The following ELL variants were observed in gnomAD, a reference collection of about 807,000 sequenced individuals.
The protein encoded by ELL is elongation factor for RNA polymerase II.
In ELL, 18 loss-of-function variants were observed where a neutral mutation model predicts 64.0. That is an observed-to-expected ratio of 0.28 (90% confidence interval 0.19 to 0.42). ELL has a LOEUF of 0.42. ELL is among the 10% of genes least tolerant of loss of function. ELL has a pLI of 1.00. For missense variants in ELL, 797 were observed against 870.4 expected (o/e 0.92, Z 1.06); for synonymous variants, 399 against 376.2 (o/e 1.06, Z -0.70).
chr19:18,469,452 G>A (rs1456191522), intron 2 of ELL, among the ~76,000 whole-genome samples: 1 of 152,234 alleles, frequency 6.6e-6, no homozygotes, highest in Non-Finnish European at 1.5e-5. Context: ...CTGGGACAAG[G>A]TTTGAAACGC....
Position 18,443,408 on chromosome 19 carries a change from T to C in ELL, c.*1344A>G. On this transcript the variant is annotated 3_prime_UTR_variant, in exon 12 of 12. Transcript: ENST00000262809. ...TTAGAAAAATAGACATCTGTATTTT[T>C]GCATTTCTGTTCTCCCTGCCTGACT... The C allele has an allele frequency of 4.3e-6, 1 of 233,196 alleles. No homozygotes were observed. Among genetic ancestry groups the C allele is most frequent in the Non-Finnish European group, 8.5e-6 (1 of 117,898 alleles). 14.4% of individuals were successfully genotyped at this position (233,196 alleles called of 1,614,324 possible). A position where few individuals can be genotyped will look rare whatever the true frequency, so the allele number is the denominator to read the frequency against.
intron 1 of ELL, among the ~76,000 whole-genome samples, chr19:18,512,876 A>C (rs964632524): frequency 6.6e-6 from 1 of 152,190 alleles, no homozygotes; most frequent in Non-Finnish European, 1.5e-5. Context: ...CTGATCCCCA[A>C]TATGCAGTTC....
At position 18,450,762 on chromosome 19, in the gene ELL, G is replaced by C; in HGVS notation, c.1180C>G (p.His394Asp). 3 of 1,578,462 alleles carry C rather than the reference G, an allele frequency of 1.9e-6. No homozygotes were observed. The highest frequency in any genetic ancestry group is 2.6e-6 in the Non-Finnish European group (3 of 1,162,514). ...LPPRLEPPRAHDPLADVSNDL... is the reference protein window; with the variant it reads ...LPPRLEPPRADDPLADVSNDL... ...TTGCTGACATCGGCCAGGGGGTCGT[G>C]GGCCCTCGGGGGCTCCAGCCGCGGG... Residue 394 changes from histidine (H) to aspartate (D), a missense_variant, in exon 8 of 12, where the codon CAC (histidine) becomes GAC (aspartate). Coordinates refer to ENST00000262809, the MANE Select transcript of ELL (RefSeq NM_006532.4).
chr19:18,473,909 C>T (rs570673760), intron 1 of ELL, among the ~76,000 whole-genome samples: 4 of 152,294 alleles, frequency 2.6e-5, no homozygotes, highest in South Asian at 2.1e-4. Flanking sequence ...TCCTGGGCTC[C>T]GTCTCCACTG....
rs1279659799 is a variant in ELL at position 18,501,026 on chromosome 19, G to A, written c.135+20895C>T. On this transcript the variant is annotated intron_variant, in intron 1 of 11. Coordinates refer to ENST00000262809, the MANE Select transcript of ELL (RefSeq NM_006532.4). The surrounding 1 kb of genome is among the most constrained non-coding windows in gnomAD (Gnocchi z 4.5). Reference sequence around the variant, plus strand: ...GGAAGCAGGCCAACCTCCAACCACCGAACTTGGGCCAAAACTCACAGCAGG... The same window carrying A: ...GGAAGCAGGCCAACCTCCAACCACCAAACTTGGGCCAAAACTCACAGCAGG... 5.3e-5 allele frequency among the ~76,000 whole-genome samples: 8 copies of A among 151,964 alleles called. No individual in the cohort carries two copies. Among genetic ancestry groups the A allele is most frequent in the Admixed American group, 1.3e-4 (2 of 15,246 alleles).
At chr19:18,498,427 G>A (rs932817555) in intron 1 of ELL, among the ~76,000 whole-genome samples, 3 of 152,180 alleles carry the variant, frequency 2.0e-5, no homozygotes, top group African/African-American at 7.2e-5. Flanking sequence ...AGTTAGGAAG[G>A]GAAAACAAAA....
chr19:18,472,504 T>C (rs1975084163), intron 2 of ELL: 1 of 329,860 alleles, frequency 3.0e-6, no homozygotes, highest in Non-Finnish European at 5.5e-6. Flanking sequence ...GCTCACCTCC[T>C]GCTGTGTGGG....
intron 5 of ELL, 124 bp from the exon 6 acceptor site, chr19:18,458,453 G>A: frequency 2.8e-6 from 4 of 1,450,676 alleles, no homozygotes; most frequent in Non-Finnish European, 3.7e-6. Flanking sequence ...CAGAGACAGA[G>A]GAGAGGAAAG....
intron 1 of ELL, among the ~76,000 whole-genome samples, chr19:18,519,806 CAAA>C (rs1183522203): frequency 0.026 from 1,617 of 62,942 alleles, 10 homozygotes; most frequent in African/African-American, 0.049. Flanking sequence ...AACTCCATCT[CAAA>C]AAAAAAAAAA....
intron 1 of ELL, among the ~76,000 whole-genome samples, chr19:18,521,035 C>T (rs111367398): frequency 6.6e-6 from 1 of 151,956 alleles, no homozygotes; most frequent in Non-Finnish European, 1.5e-5. Context: ...CCCTCCCCAC[C>T]ACCAGCCAGG....
At chr19:18,480,870 G>A (rs1242659462) in intron 1 of ELL, among the ~76,000 whole-genome samples, 2 of 152,304 alleles carry the variant, frequency 1.3e-5, no homozygotes, top group East Asian at 3.9e-4. Flanking sequence ...CTAGGTTCAA[G>A]CAACTCGACA....
rs1298304594 is a variant in ELL at position 18,458,291 on chromosome 19, C to A, written c.783G>T (p.Leu261=). Residue 261 remains leucine (L), a synonymous_variant, in exon 6 of 12, where the codon CTG becomes CTT. Transcript: ENST00000262809. ...GCACATCCTTGTACATGCAGTCCTG[C>A]AGTGTACACGTGCCGTCCTTAGCAC... is the stretch of plus-strand genomic sequence containing the variant. ...NMSAKDGTCT[L]QDCMYKDVQK... 6.2e-7 allele frequency: 1 copy of A among 1,613,482 alleles called. No individual in the cohort carries two copies.
chr19:18,454,627 G>T (rs1351522536), intron 6 of ELL, among the ~76,000 whole-genome samples: 1 of 151,766 alleles, frequency 6.6e-6, no homozygotes, highest in South Asian at 2.1e-4. Context: ...GATTACCTGA[G>T]GTTGGGAGTT....
rs565016319 is a variant in ELL, at chr19:18,491,249, ATTTTTTTTTTTTTTTT to A, written c.136-18383_136-18368del. The stretch of plus-strand genomic sequence containing the variant: ...AGGTGCTCACCACCACACCTGGCTA[ATTTTTTTTTTTTTTTT>A]TTTTTTTTTTTTTTTTTTTTTTTTT... On this transcript the variant is annotated intron_variant, in intron 1 of 11. Transcript: ENST00000262809. Among the ~76,000 whole-genome samples, 17 of 72,474 alleles carry A rather than the reference ATTTTTTTTTTTTTTTT, an allele frequency of 2.3e-4. No homozygotes were observed. In the East Asian group the frequency reaches 4.1e-3, roughly 17 times the overall value. 47.5% of individuals were successfully genotyped at this position (72,474 alleles called of 152,430 possible).
intron 2 of ELL, among the ~76,000 whole-genome samples, chr19:18,472,162 C>T (rs1316901556): frequency 1.3e-5 from 2 of 151,970 alleles, no homozygotes; most frequent in African/African-American, 2.4e-5. Context: ...CGTTTCTCTA[C>T]GTTGGTCAGG....
At chr19:18,500,921 G>A (rs1975767674) in intron 1 of ELL, among the ~76,000 whole-genome samples, 1 of 152,138 alleles carries the variant, frequency 6.6e-6, no homozygotes. Flanking sequence ...TCACACTCAG[G>A]AAAGTGAACA....
intron 4 of ELL, 121 bp downstream of exon 4, chr19:18,465,291 T>G (rs750560863): frequency 7.3e-6 from 10 of 1,374,796 alleles, no homozygotes; most frequent in Non-Finnish European, 9.6e-6. Context: ...GACCGACTCC[T>G]CGGTTGACCC....
intron 1 of ELL, among the ~76,000 whole-genome samples, chr19:18,507,050 G>T (rs1252612996): frequency 6.6e-6 from 1 of 152,210 alleles, no homozygotes; most frequent in Non-Finnish European, 1.5e-5. Context: ...AGGGCAGCCT[G>T]GAGATGAGCT....
chr19:18,462,179 AGT>A (rs758119031), intron 4 of ELL, among the ~76,000 whole-genome samples: 3,294 of 119,908 alleles, frequency 0.027, 38 homozygotes, highest in Admixed American at 0.039. Flanking sequence ...TCTGGTGGGC[AGT>A]GTGTGTGTGT....
Sources: allele counts gnomAD v4.1 joint callset (sites outside exome capture counted in the v4.1 genomes callset), GRCh38; gene constraint gnomAD v4.1.1; non-coding constraint Gnocchi (gnomAD v3.1); transcripts MANE v1.5; gene names NCBI Gene and HGNC (gene_info 2026-07-23, HGNC 2026-07-21).